The following XKR7 variants were observed in gnomAD, a reference collection of about 807,000 sequenced individuals.
The protein encoded by XKR7 is XK-related protein 7.
A neutral mutation model predicts 42.2 loss-of-function variants in XKR7; 11 were observed. The observed-to-expected ratio is 0.26, with a 90% confidence interval of 0.16 to 0.43. The LOEUF (loss-of-function observed/expected upper bound fraction) is 0.43, where lower values mean the gene tolerates loss of function less well. Among genes scored for constraint, XKR7 ranks in the 20% least tolerant of loss-of-function variants. The pLI is 1.00. For synonymous variants in XKR7, 346 were observed against 366.4 expected (o/e 0.94, Z 0.64); for missense variants, 710 against 802.2 (o/e 0.89, Z 1.39).
chr20:31,978,738 T>C (rs545652381), intron 1 of XKR7, among the ~76,000 whole-genome samples: 1 of 152,358 alleles, frequency 6.6e-6, no homozygotes, highest in South Asian at 2.1e-4. Context: ...GCATTGAACA[T>C]GTAGGTGTTA....
At position 31,990,882 on chromosome 20, in the gene XKR7, C is replaced by T. The variant is rs146021266; in HGVS notation, c.585-4186C>T. Among the ~76,000 whole-genome samples the T allele has an allele frequency of 4.2e-3, 645 of 152,248 alleles. 2 individuals carry two copies. The highest frequency in any genetic ancestry group is 0.015 in the African/African-American group (611 of 41,542). On this transcript the variant is annotated intron_variant, in intron 1 of 2. Coordinates refer to ENST00000562532, the MANE Select transcript of XKR7 (RefSeq NM_001011718.2). ...GCTGGAAGGAACAGCCACAGTTTTG[C>T]TCCTGTTGCCAAAAGGGGCAGAGCG...
At chr20:31,976,703 T>A (rs2064487050) in intron 1 of XKR7, among the ~76,000 whole-genome samples, 1 of 152,136 alleles carries the variant, frequency 6.6e-6, no homozygotes. Flanking sequence ...ATTTTTAAAT[T>A]TGTATTTTAA....
chr20:31,973,960 C>T (rs1442842962), intron 1 of XKR7, among the ~76,000 whole-genome samples: 4 of 152,018 alleles, frequency 2.6e-5, no homozygotes, highest in East Asian at 1.9e-4. Flanking sequence ...TTTGGGAGGC[C>T]GAGGCAGGCG....
rs139439311 is a variant in XKR7 at position 31,983,752 on chromosome 20, T to A, written c.585-11316T>A. Among the ~76,000 whole-genome samples, 721 of 151,912 alleles carry A rather than the reference T, an allele frequency of 4.7e-3. 14 individuals carry two copies. Among genetic ancestry groups the A allele is most frequent in the East Asian group, 0.041 (210 of 5,158 alleles). ...ACCTGAGGTCAGGAGTTCGAGACCA[T>A]CCTGGCCAATAGGGCAAAACCCTGT... On this transcript the variant is annotated intron_variant, in intron 1 of 2. Transcript: ENST00000562532.
Position 31,997,193 on chromosome 20 carries a change from T to G in XKR7, c.1476T>G (p.Arg492=). ...AERDGASAGE[R]AGTPTPPVFQ... is the part of the protein sequence containing the mutation. ...GGGATGGGGCCTCGGCGGGAGAGCG[T>G]GCAGGGACCCCCACCCCACCTGTCT... is the stretch of plus-strand genomic sequence containing the variant. The change falls in exon 3 of 3, where the codon CGT becomes CGG. Residue 492 remains arginine (R), a synonymous_variant. Coordinates refer to ENST00000562532, the MANE Select transcript of XKR7 (RefSeq NM_001011718.2). 6.2e-7 allele frequency: 1 copy of G among 1,609,938 alleles called. No homozygotes were observed. The highest frequency in any genetic ancestry group is 1.3e-5 in the African/African-American group (1 of 75,032).
intron 1 of XKR7, among the ~76,000 whole-genome samples, chr20:31,991,237 C>A (rs1251610929): frequency 6.6e-6 from 1 of 152,186 alleles, no homozygotes; most frequent in Non-Finnish European, 1.5e-5. Flanking sequence ...TCACCTTCCC[C>A]CAACTCCCCA....
chr20:31,997,760 G>C lies in XKR7; in HGVS notation c.*303G>C, dbSNP rs372890965. The C allele has an allele frequency of 7.8e-5, 29 of 371,998 alleles. 1 individual carries two copies. The highest frequency in any genetic ancestry group is 5.5e-4 in the African/African-American group (27 of 49,274). 23.0% of individuals were successfully genotyped at this position (371,998 alleles called of 1,614,324 possible). A position where few individuals can be genotyped will look rare whatever the true frequency, so the allele number is the denominator to read the frequency against. ...CATGGGGCCTCCACACCTCTCCCCT[G>C]CCTGGCGTTGCCCATGTGTTGCCCC... On this transcript the variant is annotated 3_prime_UTR_variant, in exon 3 of 3. Coordinates refer to ENST00000562532, the MANE Select transcript of XKR7 (RefSeq NM_001011718.2).
In XKR7 at chr20:31,989,954, A is replaced by G. The variant is rs142667660; in HGVS notation, c.585-5114A>G. On this transcript the variant is annotated intron_variant, in intron 1 of 2. Transcript: ENST00000562532. ...GAAGATCAGATGTACACCACCCCCA[A>G]TCTGGATTCCCTTCCCTGAGGTGTG... 3.2e-3 allele frequency among the ~76,000 whole-genome samples: 483 copies of G among 152,174 alleles called. 1 individual carries two copies. Among genetic ancestry groups the G allele is most frequent in the Middle Eastern group, 0.014 (4 of 294 alleles).
intron 1 of XKR7, among the ~76,000 whole-genome samples, chr20:31,994,799 AC>A (rs1457728740): frequency 2.6e-5 from 4 of 152,178 alleles, no homozygotes; most frequent in Non-Finnish European, 5.9e-5. Context: ...GCACGCCCCA[AC>A]CGTTATAGGA....
intron 1 of XKR7, among the ~76,000 whole-genome samples, chr20:31,990,067 G>T (rs2064562720): frequency 6.6e-6 from 1 of 152,186 alleles, no homozygotes; most frequent in African/African-American, 2.4e-5. Flanking sequence ...CCTAGAGGAG[G>T]TTTCAAGAGA....
intron 1 of XKR7, among the ~76,000 whole-genome samples, chr20:31,982,750 C>G (rs2064519358): frequency 1.3e-5 from 2 of 152,172 alleles, no homozygotes; most frequent in African/African-American, 4.8e-5. Context: ...CCCAAAGGTG[C>G]TTTCTGACCC....
intron 1 of XKR7, among the ~76,000 whole-genome samples, chr20:31,983,483 G>A (rs73903697): frequency 0.011 from 1,680 of 152,294 alleles, 32 homozygotes; most frequent in African/African-American, 0.038. Context: ...TTTGACAGGC[G>A]TTAGTGAGGA....
intron 1 of XKR7, among the ~76,000 whole-genome samples, chr20:31,993,506 A>G (rs2064578551): frequency 6.6e-6 from 1 of 152,188 alleles, no homozygotes; most frequent in South Asian, 2.1e-4. Context: ...TGATCTCAGG[A>G]CTTCAGAGTC....
At position 31,984,245 on chromosome 20, in the gene XKR7, G is replaced by A. The variant is rs569636834; in HGVS notation, c.585-10823G>A. ...CACTGCATTCCAGCCTGGGTGACAA[G>A]AGTGAGACTCCATTTCAAAAAAAAA... On this transcript the variant is annotated intron_variant, in intron 1 of 2. Transcript: ENST00000562532. Among the ~76,000 whole-genome samples the A allele has an allele frequency of 1.8e-4, 26 of 146,634 alleles. No individual in the cohort carries two copies. In the Middle Eastern group the frequency reaches 0.014, roughly 78 times the overall value.
rs2064628638 is a variant in XKR7, at chr20:32,002,265, T to G, written c.*4808T>G. 6.6e-6 allele frequency: 1 copy of G among 152,134 alleles called. No homozygotes were observed. The allele number at this position is 152,134 out of a possible 1,614,324, so 9.4% of individuals were successfully genotyped here. A position where few individuals can be genotyped will look rare whatever the true frequency, so the allele number is the denominator to read the frequency against. ...AAGGCTGCCCTCTCCTCAGCAACCCTGGCCTTTATTCTATGCATAACCACT... is the reference window on the plus strand; with the variant it reads ...AAGGCTGCCCTCTCCTCAGCAACCCGGGCCTTTATTCTATGCATAACCACT... On this transcript the variant is annotated 3_prime_UTR_variant, in exon 3 of 3. Transcript: ENST00000562532.
At chr20:31,987,740 A>G (rs2064549641) in intron 1 of XKR7, among the ~76,000 whole-genome samples, 1 of 152,252 alleles carries the variant, frequency 6.6e-6, no homozygotes, top group Non-Finnish European at 1.5e-5. Flanking sequence ...TCGTATTCAC[A>G]GGATAGACAG....
Position 32,001,412 on chromosome 20 carries a change from A to G in XKR7, c.*3955A>G, listed in dbSNP as rs2064624437. ...CCCACGTGCCACCAGTTTGAGACTTACGGTTCAAAATGTTGAGAAGGTTCT... is the reference window on the plus strand; with the variant it reads ...CCCACGTGCCACCAGTTTGAGACTTGCGGTTCAAAATGTTGAGAAGGTTCT... On this transcript the variant is annotated 3_prime_UTR_variant, in exon 3 of 3. Coordinates refer to ENST00000562532, the MANE Select transcript of XKR7 (RefSeq NM_001011718.2). 1 of 152,200 alleles carries G rather than the reference A, an allele frequency of 6.6e-6. No homozygotes were observed. The highest frequency in any genetic ancestry group is 1.5e-5 in the Non-Finnish European group (1 of 68,064). 9.4% of individuals were successfully genotyped at this position (152,200 alleles called of 1,614,324 possible).
At chr20:31,977,628 T>C (rs574127043) in intron 1 of XKR7, among the ~76,000 whole-genome samples, 6 of 152,266 alleles carry the variant, frequency 3.9e-5, no homozygotes, top group Admixed American at 2.0e-4. Flanking sequence ...TCACAGCCCA[T>C]CCTACTTGCT....
chr20:31,999,029 A>G lies in XKR7; in HGVS notation c.*1572A>G, dbSNP rs113316932. ...TCTAGCAGAGCTGGGAACCCAACCC[A>G]CCCCCCACCCCCCCACACACACACT... is the stretch of plus-strand genomic sequence containing the variant. On this transcript the variant is annotated 3_prime_UTR_variant, in exon 3 of 3. Coordinates refer to ENST00000562532, the MANE Select transcript of XKR7 (RefSeq NM_001011718.2). 1 of 53,752 alleles carries G rather than the reference A, an allele frequency of 1.9e-5. No individual in the cohort carries two copies. The highest frequency in any genetic ancestry group is 1.3e-4 in the African/African-American group (1 of 7,788). 3.3% of individuals were successfully genotyped at this position (53,752 alleles called of 1,614,324 possible). A position where few individuals can be genotyped will look rare whatever the true frequency, so the allele number is the denominator to read the frequency against.
Sources: gnomAD v4.1 joint callset for allele counts (sites outside exome capture counted in the v4.1 genomes callset) on GRCh38, gnomAD v4.1.1 for gene constraint, MANE v1.5 for transcripts, NCBI Gene and HGNC (gene_info 2026-07-23, HGNC 2026-07-21) for gene names.